Variants in SYNGR1 observed in about 807,000 individuals in gnomAD.
SYNGR1 encodes synaptogyrin 1.
A neutral mutation model predicts 26.1 loss-of-function variants in SYNGR1; 14 were observed. The observed-to-expected ratio is 0.54, with a 90% CI of 0.35 to 0.84. The LOEUF is 0.84. SYNGR1 is among the 40% of genes least tolerant of loss of function. The probability of loss-of-function intolerance (pLI) is 0.01; values close to 1 mark genes in which losing one functional copy is unlikely to be tolerated. For synonymous variants in SYNGR1, 141 were observed against 150.1 expected, an observed-to-expected ratio of 0.94 and a Z score of 0.44; for missense variants, 319 against 332.9, an observed-to-expected ratio of 0.96 and a Z score of 0.33.
chr22:39,377,184 T>A, intron 3 of SYNGR1: 1 of 1,444,618 alleles, frequency 6.9e-7, no homozygotes, highest in Non-Finnish European at 9.1e-7. Context: ...TCCTTCTGGT[T>A]TGCCCCGGGT....
intron 1 of SYNGR1, among the ~76,000 whole-genome samples, chr22:39,359,064 C>T (rs1221676960): frequency 1.3e-5 from 2 of 152,200 alleles, no homozygotes; most frequent in African/African-American, 2.4e-5. Flanking sequence ...AGCCTTCAGC[C>T]CCTCCCAGAA....
chr22:39,369,786 C>G (rs751256762), intron 1 of SYNGR1, among the ~76,000 whole-genome samples: 2 of 152,222 alleles, frequency 1.3e-5, no homozygotes, highest in Non-Finnish European at 2.9e-5. Context: ...GATGCCCTCA[C>G]GGGTCTGAAG....
rs921367113 is a variant in SYNGR1, at chr22:39,355,838, C to T, written c.99+5729C>T. Among the ~76,000 whole-genome samples the T allele has an allele frequency of 3.9e-5, 6 of 152,014 alleles. No individual in the cohort carries two copies. The South Asian group carries it at 6.2e-4, about 16-fold the overall frequency. ...TTCGAGACCAGCCTGGCCAACATAG[C>T]GAAACCCTATCTCTACTAAAATTAC... On this transcript the variant is annotated intron_variant, in intron 1 of 3. Transcript: ENST00000328933.
chr22:39,381,832 C>T lies in SYNGR1; in HGVS notation c.620C>T (p.Pro207Leu). The T allele has an allele frequency of 6.2e-7, 1 of 1,612,964 alleles. No homozygotes were observed. Residue 207 changes from proline (P) to leucine (L), a missense_variant, in exon 4 of 4, where the codon CCC becomes CTC. Transcript: ENST00000328933. ...APYVEPTGPDPAGMGGTYQQP... is the reference protein window; with the variant it reads ...APYVEPTGPDLAGMGGTYQQP... ...TACGTGGAGCCCACTGGGCCGGATC[C>T]CGCCGGTATGGGCGGCACCTACCAG...
chr22:39,357,241 G>C (rs959171327), intron 1 of SYNGR1, among the ~76,000 whole-genome samples: 5 of 152,034 alleles, frequency 3.3e-5, no homozygotes, highest in Admixed American at 6.5e-5. Context: ...ATTCCAGCCA[G>C]GCAACAGAGC....
At chr22:39,360,682 CA>C (rs1409188503) in intron 1 of SYNGR1, among the ~76,000 whole-genome samples, 3 of 152,102 alleles carry the variant, frequency 2.0e-5, no homozygotes, top group African/African-American at 7.2e-5. Context: ...GGAGGGCTGA[CA>C]GTCTAGTGGA....
intron 1 of SYNGR1, among the ~76,000 whole-genome samples, chr22:39,372,910 A>G (rs1569181205): frequency 6.6e-6 from 1 of 152,138 alleles, no homozygotes; most frequent in African/African-American, 2.4e-5. Flanking sequence ...TCCAAAGGGT[A>G]GTCCAAAACA....
chr22:39,370,968 C>T (rs1315682128), intron 1 of SYNGR1, among the ~76,000 whole-genome samples: 1 of 152,102 alleles, frequency 6.6e-6, no homozygotes, highest in Non-Finnish European at 1.5e-5. Context: ...ATGTTTGCAC[C>T]AATCCTCCCA....
In SYNGR1 at chr22:39,376,208, C is replaced by G; in HGVS notation, c.483+11C>G. The stretch of plus-strand genomic sequence containing the variant: ...TCCATCTTCACCTGGGTGAGTACAG[C>G]CACCGCGCACCAGCCCACACTCGTC... On this transcript the variant is annotated intron_variant, in intron 3 of 3. Coordinates refer to ENST00000328933, the MANE Select transcript of SYNGR1 (RefSeq NM_004711.5). 13 of 1,613,956 alleles carry G rather than the reference C, an allele frequency of 8.1e-6. No homozygotes were observed. Among genetic ancestry groups the G allele is most frequent in the Non-Finnish European group, 1.1e-5 (13 of 1,180,046 alleles).
chr22:39,363,949 A>T (rs1435430753), intron 1 of SYNGR1, among the ~76,000 whole-genome samples: 1 of 152,140 alleles, frequency 6.6e-6, no homozygotes, highest in African/African-American at 2.4e-5. Context: ...CATTGTCTAA[A>T]AACGTTTAAA....
chr22:39,356,618 G>A (rs1369041282), intron 1 of SYNGR1, among the ~76,000 whole-genome samples: 3 of 152,146 alleles, frequency 2.0e-5, no homozygotes, highest in African/African-American at 7.2e-5. Flanking sequence ...AGGAGGAGGA[G>A]GGAGGGAGGA....
At chr22:39,358,701 C>G (rs1464588466) in intron 1 of SYNGR1, among the ~76,000 whole-genome samples, 4 of 152,158 alleles carry the variant, frequency 2.6e-5, no homozygotes, top group Non-Finnish European at 4.4e-5. Context: ...ACTCCAGACG[C>G]ACCACCTTAA....
intron 1 of SYNGR1, among the ~76,000 whole-genome samples, chr22:39,351,550 G>T (rs1349998549): frequency 6.6e-6 from 1 of 152,236 alleles, no homozygotes; most frequent in East Asian, 1.9e-4. Context: ...TGCCAAAGGT[G>T]GGAGCCCTGG....
chr22:39,374,567 A>G lies in SYNGR1; in HGVS notation c.337+14A>G. 2 of 1,612,358 alleles carry G rather than the reference A, an allele frequency of 1.2e-6. No homozygotes were observed. Among genetic ancestry groups the G allele is most frequent in the Non-Finnish European group, 1.7e-6 (2 of 1,179,658 alleles). ...TCGGTGTCTCGGGTGAGCCCCACCCAGCAGGTACCCCCTGCACAGAGTCTA... is the reference window on the plus strand; with the variant it reads ...TCGGTGTCTCGGGTGAGCCCCACCCGGCAGGTACCCCCTGCACAGAGTCTA... On this transcript the variant is annotated intron_variant, in intron 2 of 3. Transcript: ENST00000328933.
At chr22:39,363,342 G>T (rs1924578424) in intron 1 of SYNGR1, among the ~76,000 whole-genome samples, 1 of 151,818 alleles carries the variant, frequency 6.6e-6, no homozygotes, top group African/African-American at 2.4e-5. Flanking sequence ...GCTATGAGGG[G>T]ACAGAGTGTG....
chr22:39,361,340 G>C (rs957535475), intron 1 of SYNGR1, among the ~76,000 whole-genome samples: 2 of 150,628 alleles, frequency 1.3e-5, no homozygotes, highest in Non-Finnish European at 2.9e-5. Context: ...GACAGAACTG[G>C]ATGGTTAACC....
At chr22:39,352,584 G>A (rs779085914) in intron 1 of SYNGR1, among the ~76,000 whole-genome samples, 11 of 152,124 alleles carry the variant, frequency 7.2e-5, no homozygotes, top group Admixed American at 1.3e-4. Context: ...ACTGTGTGGC[G>A]TGCTGAGCCA....
At chr22:39,379,450 A>G (rs960463844) in intron 3 of SYNGR1, among the ~76,000 whole-genome samples, 14 of 152,310 alleles carry the variant, frequency 9.2e-5, no homozygotes, top group Non-Finnish European at 2.1e-4. Context: ...CCTGGCCAAC[A>G]TGGCAAAACC....
rs74589943 is a variant in SYNGR1 at position 39,374,252 on chromosome 22, C to G, written c.100-64C>G. ...CAGCAGGCGAGGGTGGCAGCCTCCC[C>G]GTCCCCTGGGTGGTGTGAGGCAGGG... On this transcript the variant is annotated intron_variant, in intron 1 of 3. Coordinates refer to ENST00000328933, the MANE Select transcript of SYNGR1 (RefSeq NM_004711.5). The G allele has an allele frequency of 0.019, 28,385 of 1,523,306 alleles. 1,599 individuals are homozygous for G. The African/African-American group carries it at 0.19, about 10-fold the overall frequency. 94.4% of individuals were successfully genotyped at this position (1,523,306 alleles called of 1,614,324 possible). A position where few individuals can be genotyped will look rare whatever the true frequency, so the allele number is the denominator to read the frequency against.
Sources: allele counts gnomAD v4.1 joint callset (sites outside exome capture counted in the v4.1 genomes callset), GRCh38; gene constraint gnomAD v4.1.1; transcripts MANE v1.5; gene names NCBI Gene and HGNC (gene_info 2026-07-23, HGNC 2026-07-21).